POU6F2: variants seen among roughly 807,000 people sequenced by gnomAD.
POU6F2 encodes POU domain, class 6, transcription factor 2.
In POU6F2, 31 loss-of-function variants were observed where a neutral mutation model predicts 71.3. The observed-to-expected ratio is 0.43, with a 90% confidence interval of 0.33 to 0.59. POU6F2 has a LOEUF of 0.59. POU6F2 is among the 20% of genes least tolerant of loss of function. The probability of loss-of-function intolerance (pLI) is 0.04; values close to 1 mark genes in which losing one functional copy is unlikely to be tolerated. For synonymous variants in POU6F2, 347 were observed against 355.7 expected, an observed-to-expected ratio of 0.98 and a Z score of 0.27; for missense variants, 783 against 856.8, an observed-to-expected ratio of 0.91 and a Z score of 1.07.
At chr7:39,324,093 GC>G (rs1785457633) in intron 4 of POU6F2, among the ~76,000 whole-genome samples, 1 of 125,806 alleles carries the variant, frequency 7.9e-6, no homozygotes, top group Admixed American at 9.3e-5. Context: ...GGGGACAAGA[GC>G]AAAACTACAT....
chr7:39,402,370 A>T (rs1787324268), intron 5 of POU6F2, among the ~76,000 whole-genome samples: 1 of 152,222 alleles, frequency 6.6e-6, no homozygotes, highest in African/African-American at 2.4e-5. Context: ...ATTGATATGT[A>T]GACATAGAAA....
intron 2 of POU6F2, among the ~76,000 whole-genome samples, chr7:39,123,778 G>GT (rs557926300): frequency 0.018 from 2,549 of 144,916 alleles, 32 homozygotes; most frequent in Middle Eastern, 0.047. Context: ...CTGATCTTTG[G>GT]TTTTTTTTTT....
chr7:39,055,703 A>C (rs185673537), intron 1 of POU6F2, among the ~76,000 whole-genome samples: 2 of 152,050 alleles, frequency 1.3e-5, no homozygotes, highest in Non-Finnish European at 2.9e-5. Flanking sequence ...AAAGCAGGTA[A>C]GTAATGTTCT....
At position 39,278,536 on chromosome 7, in the gene POU6F2, G is replaced by A. The variant is rs1784502607; in HGVS notation, c.599-61106G>A. Among the ~76,000 whole-genome samples, 3 of 152,296 alleles carry A rather than the reference G, an allele frequency of 2.0e-5. No homozygotes were observed. In the South Asian group the frequency reaches 6.2e-4, roughly 32 times the overall value. On this transcript the variant is annotated intron_variant, in intron 4 of 9. Coordinates refer to ENST00000518318, the MANE Select transcript of POU6F2 (RefSeq NM_001370959.1). ...GAATGCAGAGAACAAAGGGTATTGA[G>A]TAGATTCTGAAACTGATTTCCAGAC...
intron 2 of POU6F2, among the ~76,000 whole-genome samples, chr7:39,162,766 G>C (rs1335127292): frequency 2.0e-5 from 3 of 151,548 alleles, no homozygotes; most frequent in Admixed American, 2.0e-4. Flanking sequence ...GTCTAAGTGG[G>C]GATAGTACTC....
intron 1 of POU6F2, among the ~76,000 whole-genome samples, chr7:39,009,102 A>G (rs1244246759): frequency 6.6e-6 from 1 of 152,096 alleles, no homozygotes; most frequent in Non-Finnish European, 1.5e-5. Context: ...GAATCTGTAA[A>G]TTACCTTGGG....
chr7:39,263,971 C>T (rs1383317960), intron 4 of POU6F2, among the ~76,000 whole-genome samples: 2 of 152,244 alleles, frequency 1.3e-5, no homozygotes, highest in Non-Finnish European at 2.9e-5. Flanking sequence ...CTCCCAGCTC[C>T]TCAGTCTGAC....
chr7:39,143,294 G>T (rs1792545319), intron 2 of POU6F2, among the ~76,000 whole-genome samples: 1 of 152,086 alleles, frequency 6.6e-6, no homozygotes, highest in Non-Finnish European at 1.5e-5. Flanking sequence ...TTCTCTTTGT[G>T]GGCAAGGCAA....
intron 6 of POU6F2, among the ~76,000 whole-genome samples, chr7:39,423,892 C>T (rs1192874263): frequency 1.3e-5 from 2 of 152,186 alleles, no homozygotes; most frequent in African/African-American, 4.8e-5. Flanking sequence ...ACAGAGAAGG[C>T]CAGTCAACGT....
At chr7:39,359,829 T>C (rs1333068780) in intron 5 of POU6F2, among the ~76,000 whole-genome samples, 3 of 152,148 alleles carry the variant, frequency 2.0e-5, no homozygotes, top group Admixed American at 6.5e-5. Flanking sequence ...CAAGAGAAAA[T>C]AATTACATGC....
At chr7:38,980,303 A>AT (rs1788285188) in intron 1 of POU6F2, among the ~76,000 whole-genome samples, 2 of 152,304 alleles carry the variant, frequency 1.3e-5, no homozygotes, top group African/African-American at 4.8e-5. Context: ...TAGAATGCTG[A>AT]TTTTTTATTT....
intron 2 of POU6F2, among the ~76,000 whole-genome samples, chr7:39,146,148 C>T (rs1411458733): frequency 6.6e-6 from 1 of 152,122 alleles, no homozygotes; most frequent in East Asian, 1.9e-4. Context: ...AAATGATGAT[C>T]TAATTTACTT....
intron 1 of POU6F2, among the ~76,000 whole-genome samples, chr7:38,989,775 G>A (rs1199389514): frequency 1.3e-5 from 2 of 150,986 alleles, no homozygotes; most frequent in South Asian, 4.2e-4. Context: ...AGAGTAGTAG[G>A]ATATTAGGCA....
chr7:39,265,264 G>A (rs1306350416), intron 4 of POU6F2, among the ~76,000 whole-genome samples: 9 of 151,968 alleles, frequency 5.9e-5, no homozygotes, highest in African/African-American at 1.2e-4. Context: ...TAAACTGCTC[G>A]GCCATACCCC....
At chr7:39,015,468 A>G (rs1475791111) in intron 1 of POU6F2, among the ~76,000 whole-genome samples, 2 of 120,348 alleles carry the variant, frequency 1.7e-5, no homozygotes, top group Non-Finnish European at 3.2e-5. Context: ...ATATATAGAT[A>G]TATTATATCT....
rs1428368500 is a variant in POU6F2, at chr7:39,340,929, G to T, written c.972+914G>T. 2.0e-5 allele frequency among the ~76,000 whole-genome samples: 3 copies of T among 152,242 alleles called. No individual in the cohort carries two copies. The East Asian group carries it at 5.8e-4, about 29-fold the overall frequency. The stretch of plus-strand genomic sequence containing the variant: ...GACTTGCACAATGACATTTTTCCCT[G>T]TGAGATTTCAGACAATCTCGTGTAT... On this transcript the variant is annotated intron_variant, in intron 5 of 9. Transcript: ENST00000518318.
intron 2 of POU6F2, among the ~76,000 whole-genome samples, chr7:39,140,893 G>C (rs1026535163): frequency 2.0e-5 from 3 of 152,150 alleles, no homozygotes; most frequent in African/African-American, 7.2e-5. Flanking sequence ...GTGGAGGTGG[G>C]CTCGAGGGTC....
chr7:39,347,033 C>T (rs919237879), intron 5 of POU6F2, among the ~76,000 whole-genome samples: 10 of 152,178 alleles, frequency 6.6e-5, no homozygotes, highest in Non-Finnish European at 7.3e-5. Context: ...TTTGAATGCT[C>T]GCTGTGCTGG....
chr7:39,034,435 G>C (rs1391062169), intron 1 of POU6F2: 2 of 399,526 alleles, frequency 5.0e-6, no homozygotes, highest in African/African-American at 4.1e-5. Context: ...AAGTGTTCTC[G>C]GCAGGAGCAG....
Sources: allele counts gnomAD v4.1 joint callset (sites outside exome capture counted in the v4.1 genomes callset), GRCh38; gene constraint gnomAD v4.1.1; transcripts MANE v1.5; gene names NCBI Gene and HGNC (gene_info 2026-07-23, HGNC 2026-07-21).